The following CCDC63 variants were observed in gnomAD, a reference collection of about 807,000 sequenced individuals.
CCDC63 encodes coiled-coil domain containing 63, also known as coiled-coil domain-containing protein 63.
Under a neutral mutation model 63.6 loss-of-function variants are expected in CCDC63, and 54 were observed. The observed-to-expected ratio is 0.85, with a 90% CI of 0.68 to 1.07. CCDC63 has a LOEUF of 1.07. Among genes scored for constraint, CCDC63 ranks in the 50% least tolerant of loss-of-function variants. The probability of loss-of-function intolerance (pLI) is 0.00; values close to 1 mark genes in which losing one functional copy is unlikely to be tolerated. For synonymous variants in CCDC63, 253 were observed against 266.1 expected (o/e 0.95, Z 0.48); for missense variants, 637 against 689.6 (o/e 0.92, Z 0.86).
intron 8 of CCDC63, among the ~76,000 whole-genome samples, chr12:110,888,335 C>T (rs2071311453): frequency 6.6e-6 from 1 of 152,222 alleles, no homozygotes; most frequent in African/African-American, 2.4e-5. Context: ...AGCTGAATAT[C>T]CTGACCTGAT....
chr12:110,866,365 G>A (rs1194030061), intron 4 of CCDC63, among the ~76,000 whole-genome samples: 4 of 143,450 alleles, frequency 2.8e-5, no homozygotes, highest in African/African-American at 1.1e-4. Flanking sequence ...GTTTCTCACA[G>A]AGGGGGATTT....
intron 4 of CCDC63, 105 bp from the exon 5 acceptor site, chr12:110,873,737 A>G: frequency 7.2e-7 from 1 of 1,390,560 alleles, no homozygotes; most frequent in Non-Finnish European, 9.8e-7. Context: ...TAGAGCTGGT[A>G]CCCATACAGA....
chr12:110,896,263 C>G (rs561504191), intron 9 of CCDC63, among the ~76,000 whole-genome samples: 6 of 152,300 alleles, frequency 3.9e-5, no homozygotes, highest in African/African-American at 1.2e-4. Context: ...ACCTTAGCCT[C>G]CTAGTGTGCT....
In CCDC63 at chr12:110,879,775, G is replaced by T. The variant is rs572213375; in HGVS notation, c.490-131G>T. The stretch of plus-strand genomic sequence containing the variant: ...CAACCAGTTGAGCCTCTTGCCTACT[G>T]CTCCAACCACTCCTCCATGGCCCTT... On this transcript the variant is annotated intron_variant, in intron 5 of 11. Transcript: ENST00000308208. 7.6e-4 allele frequency: 639 copies of T among 841,884 alleles called. 1 individual carries two copies. The highest frequency in any genetic ancestry group is 6.5e-3 in the South Asian group (406 of 62,204). 52.2% of individuals were successfully genotyped at this position (841,884 alleles called of 1,614,324 possible).
intron 5 of CCDC63, among the ~76,000 whole-genome samples, chr12:110,875,927 A>G (rs1237476770): frequency 6.6e-6 from 1 of 152,076 alleles, no homozygotes; most frequent in Non-Finnish European, 1.5e-5. Flanking sequence ...CCCTGCCTCT[A>G]CTAAAAATAC....
At chr12:110,892,366 A>C (rs929107732) in intron 8 of CCDC63, among the ~76,000 whole-genome samples, 1 of 152,086 alleles carries the variant, frequency 6.6e-6, no homozygotes, top group African/African-American at 2.4e-5. Context: ...GCTTGAGTGT[A>C]GGAGTTCGAG....
At chr12:110,848,432 C>T (rs1276497856) in intron 1 of CCDC63, among the ~76,000 whole-genome samples, 2 of 152,102 alleles carry the variant, frequency 1.3e-5, no homozygotes, top group African/African-American at 2.4e-5. Context: ...CCAGAGGGCA[C>T]TGATCGAAAG....
chr12:110,889,316 C>A lies in CCDC63; in HGVS notation c.1075-3760C>A, dbSNP rs1410350625. On this transcript the variant is annotated intron_variant, in intron 8 of 11. Transcript: ENST00000308208. The surrounding 1 kb of genome is among the most constrained non-coding windows in gnomAD (Gnocchi z 4.1). ...TTGGCAGGGAGAAACAGACAATAAA[C>A]AACAAGCCCAATACTTACGTAAGTT... Among the ~76,000 whole-genome samples, 2 of 152,098 alleles carry A rather than the reference C, an allele frequency of 1.3e-5. No individual in the cohort carries two copies. Among genetic ancestry groups the A allele is most frequent in the Non-Finnish European group, 2.9e-5 (2 of 68,008 alleles).
At chr12:110,875,818 G>A (rs569879643) in intron 5 of CCDC63, among the ~76,000 whole-genome samples, 32 of 152,248 alleles carry the variant, frequency 2.1e-4, no homozygotes, top group South Asian at 6.2e-4. Context: ...CTGACCTGGC[G>A]CGGTGGCTCA....
rs1374746209 is a variant in CCDC63 at position 110,888,779 on chromosome 12, GTCCTTCTTTCCT to G, written c.1075-4290_1075-4279del. Among the ~76,000 whole-genome samples the G allele has an allele frequency of 4.2e-5, 6 of 144,192 alleles. 1 individual carries two copies. The highest frequency in any genetic ancestry group is 1.3e-4 in the African/African-American group (5 of 38,958). The allele number at this position is 144,192 out of a possible 152,430, so 94.6% of individuals were successfully genotyped here. On this transcript the variant is annotated intron_variant, in intron 8 of 11. Transcript: ENST00000308208. ...CTTCCAACTTCCAACTTTTTTTTTG[GTCCTTCTTTCCT>G]TCCTTCCTTCCTTCCTTCCTTCCTT...
intron 10 of CCDC63, among the ~76,000 whole-genome samples, chr12:110,899,616 G>A (rs2071460519): frequency 6.6e-6 from 1 of 151,830 alleles, no homozygotes; most frequent in Non-Finnish European, 1.5e-5. Flanking sequence ...CACTGCACCT[G>A]GCCAGGGCAG....
intron 4 of CCDC63, among the ~76,000 whole-genome samples, chr12:110,866,152 A>G (rs2070944198): frequency 6.6e-6 from 1 of 151,806 alleles, no homozygotes; most frequent in South Asian, 2.1e-4. Flanking sequence ...TAATTTTTGT[A>G]TTTTTAGTAG....
intron 7 of CCDC63, 26 bp from the exon 8 acceptor site, chr12:110,884,004 A>G: frequency 1.3e-6 from 2 of 1,583,718 alleles, no homozygotes; most frequent in Non-Finnish European, 1.7e-6. Flanking sequence ...TTTGAGTGTC[A>G]CAGTGGCTGA....
At chr12:110,859,811 T>A in intron 4 of CCDC63, among the ~76,000 whole-genome samples, 1 of 152,130 alleles carries the variant, frequency 6.6e-6, no homozygotes, top group East Asian at 1.9e-4. Context: ...ACATTAATGG[T>A]CATGCCCCTT....
rs1442935323 is a variant in CCDC63 at position 110,876,565 on chromosome 12, C to G, written c.489+2604C>G. 6.6e-5 allele frequency among the ~76,000 whole-genome samples: 10 copies of G among 152,276 alleles called. No homozygotes were observed. The East Asian group carries it at 1.9e-3, about 29-fold the overall frequency. The stretch of plus-strand genomic sequence containing the variant: ...TTTCATGCCCCGGTTGCTTCACTTG[C>G]TTTACCCCAGTGTTGGCCCTGCAGA... On this transcript the variant is annotated intron_variant, in intron 5 of 11. Transcript: ENST00000308208.
intron 3 of CCDC63, among the ~76,000 whole-genome samples, chr12:110,858,096 ACT>A (rs1275652453): frequency 6.6e-6 from 1 of 150,648 alleles, no homozygotes; most frequent in East Asian, 1.9e-4. Flanking sequence ...ACAGAGTGAG[ACT>A]CTGTCTCAAA....
At chr12:110,870,431 C>G (rs1193859579) in intron 4 of CCDC63, among the ~76,000 whole-genome samples, 1 of 152,172 alleles carries the variant, frequency 6.6e-6, no homozygotes, top group East Asian at 1.9e-4. Flanking sequence ...TTTACTGTCC[C>G]AGGATCTAAT....
In CCDC63 at chr12:110,884,070, G is replaced by C; in HGVS notation, c.894G>C (p.Glu298Asp). ...AKKHVKKNRGESFESYEVAHL... is the reference protein window; with the variant it reads ...AKKHVKKNRGDSFESYEVAHL... ...AGCATGTCAAGAAGAACAGGGGAGA[G>C]AGTTTTGAGAGCTATGAGGTGGCCC... The change falls in exon 8 of 12, where the codon GAG becomes GAC. Residue 298 changes from glutamate (E) to aspartate (D), a missense_variant. Physicochemically the swap from Glu to Asp is conservative, Grantham distance 45. Transcript: ENST00000308208. 6.2e-7 allele frequency: 1 copy of C among 1,614,132 alleles called. No individual in the cohort carries two copies. The highest frequency in any genetic ancestry group is 1.1e-5 in the South Asian group (1 of 91,078).
At chr12:110,867,641 T>A (rs1256827120) in intron 4 of CCDC63, among the ~76,000 whole-genome samples, 4 of 101,914 alleles carry the variant, frequency 3.9e-5, no homozygotes, top group Admixed American at 9.4e-5. Context: ...CACTTCCCAG[T>A]AGGGGCGGCC....
Sources: gnomAD v4.1 joint callset for allele counts (sites outside exome capture counted in the v4.1 genomes callset) on GRCh38, gnomAD v4.1.1 for gene constraint, Gnocchi (gnomAD v3.1) non-coding constraint, MANE v1.5 for transcripts, NCBI Gene and HGNC (gene_info 2026-07-23, HGNC 2026-07-21) for gene names.